The following FRMD4A variants were observed in gnomAD, a reference collection of about 807,000 sequenced individuals.
FRMD4A encodes the protein FERM domain-containing protein 4A.
In FRMD4A, 29 loss-of-function variants were observed where a neutral mutation model predicts 129.1. That is an observed-to-expected ratio of 0.22 (90% CI 0.17 to 0.31). FRMD4A has a LOEUF of 0.31. Among genes scored for constraint, FRMD4A ranks in the 10% least tolerant of loss-of-function variants. FRMD4A has a pLI of 1.00. For synonymous variants in FRMD4A, 634 were observed against 571.6 expected, an observed-to-expected ratio of 1.11 and a Z score of -1.56; for missense variants, 1,272 against 1,375.8, an observed-to-expected ratio of 0.92 and a Z score of 1.19.
chr10:13,962,035 ACACGAATGAATGAATG>A lies in FRMD4A; in HGVS notation c.46-103139_46-103124del, dbSNP rs1382467421. ...ATTTGTTAGATAAATGAACAAAAAC[ACACGAATGAATGAATG>A]AATGAATGAATGAATGAATGAATGA... On this transcript the variant is annotated intron_variant, in intron 2 of 24. Coordinates refer to ENST00000357447, the MANE Select transcript of FRMD4A (RefSeq NM_018027.5). Among the ~76,000 whole-genome samples the A allele has an allele frequency of 3.4e-4, 44 of 127,658 alleles. 1 individual carries two copies. In the South Asian group the frequency reaches 0.011, roughly 33 times the overall value. The allele number at this position is 127,658 out of a possible 152,430, so 83.7% of individuals were successfully genotyped here.
intron 13 of FRMD4A, 146 bp from the exon 14 acceptor site, chr10:13,701,624 C>A: frequency 2.0e-6 from 1 of 504,956 alleles, no homozygotes; most frequent in Middle Eastern, 3.7e-4. Context: ...CCTAGGCGTA[C>A]ACACACACAC....
chr10:13,689,198 C>CGGGGGGGTGGGGGGGG (rs2085398998), intron 15 of FRMD4A, among the ~76,000 whole-genome samples: 2 of 68,064 alleles, frequency 2.9e-5, no homozygotes, highest in African/African-American at 9.0e-5. Context: ...AAACTCTTTG[C>CGGGGGGGTGGGGGGGG]GGGGGGGGGG....
chr10:13,992,010 C>T (rs554765562), intron 2 of FRMD4A: 8 of 152,358 alleles, frequency 5.3e-5, no homozygotes, highest in Admixed American at 1.3e-4. Context: ...CATTGAATCA[C>T]ATACTTCTTA....
chr10:14,231,151 G>T (rs1041969155), intron 2 of FRMD4A, among the ~76,000 whole-genome samples: 5 of 152,142 alleles, frequency 3.3e-5, no homozygotes, highest in Admixed American at 3.3e-4. Flanking sequence ...TAATAGGATT[G>T]CTGGGTCAAA....
At chr10:14,229,363 T>C (rs1589199043) in intron 2 of FRMD4A, among the ~76,000 whole-genome samples, 2 of 152,346 alleles carry the variant, frequency 1.3e-5, no homozygotes, top group East Asian at 3.9e-4. Flanking sequence ...TATCCTATCA[T>C]TTAAACTTGT....
chr10:14,116,107 G>A (rs368664614), intron 2 of FRMD4A, among the ~76,000 whole-genome samples: 6 of 152,320 alleles, frequency 3.9e-5, no homozygotes, highest in South Asian at 2.1e-4. Flanking sequence ...CAGATCATGC[G>A]TGCCTTAGTT....
intron 17 of FRMD4A, among the ~76,000 whole-genome samples, chr10:13,666,546 C>T (rs896332134): frequency 3.4e-4 from 51 of 152,154 alleles, no homozygotes; most frequent in African/African-American, 9.4e-4. Flanking sequence ...TGAACGCTGC[C>T]GCCATCGCTG....
At chr10:14,314,630 A>T (rs1846669461) in intron 2 of FRMD4A, among the ~76,000 whole-genome samples, 1 of 150,266 alleles carries the variant, frequency 6.7e-6, no homozygotes, top group East Asian at 2.0e-4. Flanking sequence ...CCATCTTGGA[A>T]CCATGAGGGG....
intron 2 of FRMD4A, among the ~76,000 whole-genome samples, chr10:14,017,709 C>T (rs11258798): frequency 0.39 from 58,751 of 152,028 alleles, 13,412 homozygotes; most frequent in Non-Finnish European, 0.53. Context: ...AGATTCCTTT[C>T]GCTCCTGTGC....
intron 2 of FRMD4A, among the ~76,000 whole-genome samples, chr10:14,180,285 G>C (rs1332392889): frequency 6.6e-6 from 1 of 152,112 alleles, no homozygotes; most frequent in East Asian, 1.9e-4. Flanking sequence ...GAGATTGAGA[G>C]CATTAAGTAT....
chr10:13,992,952 CAAAAAAAAAAAA>C (rs10648349), intron 2 of FRMD4A, among the ~76,000 whole-genome samples: 2 of 65,986 alleles, frequency 3.0e-5, no homozygotes, highest in Non-Finnish European at 5.0e-5. Context: ...GACTCTGTCT[CAAAAAAAAAAAA>C]AAAAAAAAAA....
At chr10:13,903,609 C>T (rs1040623000) in intron 2 of FRMD4A, among the ~76,000 whole-genome samples, 6 of 150,874 alleles carry the variant, frequency 4.0e-5, no homozygotes, top group Admixed American at 1.3e-4. Context: ...TAGTGATGCA[C>T]GCCTGTAGTC....
intron 2 of FRMD4A, among the ~76,000 whole-genome samples, chr10:13,903,369 C>T (rs1278253333): frequency 1.3e-5 from 2 of 152,142 alleles, no homozygotes; most frequent in African/African-American, 2.4e-5. Context: ...GGATTTACGT[C>T]CATTTGGCTT....
chr10:14,056,460 G>C (rs552038468), intron 2 of FRMD4A, among the ~76,000 whole-genome samples: 28 of 151,148 alleles, frequency 1.9e-4, no homozygotes, highest in Non-Finnish European at 3.7e-4. Flanking sequence ...CTCTGTCCCA[G>C]CGAATGACTT....
At chr10:14,276,889 C>G (rs1845360888) in intron 2 of FRMD4A, among the ~76,000 whole-genome samples, 1 of 152,132 alleles carries the variant, frequency 6.6e-6, no homozygotes, top group African/African-American at 2.4e-5. Context: ...TTATTTGAGT[C>G]AGGGTCTCAT....
At chr10:13,930,837 G>C (rs896723854) in intron 2 of FRMD4A, among the ~76,000 whole-genome samples, 5 of 150,584 alleles carry the variant, frequency 3.3e-5, no homozygotes, top group African/African-American at 1.2e-4. Context: ...TAGCTTATTT[G>C]TTAATTTTTT....
At chr10:14,180,470 T>G (rs541006667) in intron 2 of FRMD4A, among the ~76,000 whole-genome samples, 1 of 152,324 alleles carries the variant, frequency 6.6e-6, no homozygotes, top group South Asian at 2.1e-4. Context: ...GCTAGTCTGC[T>G]GATTCCAACG....
intron 2 of FRMD4A, among the ~76,000 whole-genome samples, chr10:14,271,756 T>C (rs1420132594): frequency 6.6e-6 from 1 of 152,184 alleles, no homozygotes; most frequent in Non-Finnish European, 1.5e-5. Flanking sequence ...TAAAGCTCAC[T>C]GGGAAGTCAG....
intron 2 of FRMD4A, among the ~76,000 whole-genome samples, chr10:13,926,817 A>G (rs907525700): frequency 6.6e-6 from 1 of 152,262 alleles, no homozygotes; most frequent in African/African-American, 2.4e-5. Context: ...ATACTTTTAG[A>G]GCAGAAAAAT....
Sources: allele counts gnomAD v4.1 joint callset (sites outside exome capture counted in the v4.1 genomes callset), GRCh38; gene constraint gnomAD v4.1.1; transcripts MANE v1.5; gene names NCBI Gene and HGNC (gene_info 2026-07-23, HGNC 2026-07-21).